The following LRP5 variants were observed in gnomAD, a reference collection of about 807,000 sequenced individuals.
LRP5 encodes the protein LDL receptor related protein 5, also known as low-density lipoprotein receptor-related protein 5.
In LRP5, 62 loss-of-function variants were observed where a neutral mutation model predicts 154.1. The observed-to-expected ratio is 0.40, with a 90% confidence interval of 0.33 to 0.50. The LOEUF (loss-of-function observed/expected upper bound fraction) is 0.50, where lower values mean the gene tolerates loss of function less well. Among genes scored for constraint, LRP5 ranks in the 20% least tolerant of loss-of-function variants. LRP5 has a pLI of 0.55. For synonymous variants in LRP5, 966 were observed against 1,011.5 expected, an observed-to-expected ratio of 0.96 and a Z score of 0.85; for missense variants, 1,915 against 2,336.7, an observed-to-expected ratio of 0.82 and a Z score of 3.72.
intron 9 of LRP5, 56 bp downstream of exon 9, chr11:68,406,869 G>A: frequency 1.3e-6 from 2 of 1,572,144 alleles, no homozygotes; most frequent in South Asian, 1.1e-5. Context: ...CCTTGCCTCT[G>A]TTCCTGCCTC....
chr11:68,433,980 C>A, intron 18 of LRP5, 142 bp downstream of exon 18: 1 of 827,766 alleles, frequency 1.2e-6, no homozygotes, highest in African/African-American at 1.7e-5. Context: ...GTCTTTTAGG[C>A]CCAACAAGGA....
At chr11:68,343,771 C>T (rs1217730156) in intron 1 of LRP5, among the ~76,000 whole-genome samples, 1 of 152,138 alleles carries the variant, frequency 6.6e-6, no homozygotes, top group African/African-American at 2.4e-5. Flanking sequence ...CTCGGAAGGC[C>T]CCAGGAGCTC....
chr11:68,401,553 G>A (rs1041002849), intron 7 of LRP5, among the ~76,000 whole-genome samples: 1 of 152,196 alleles, frequency 6.6e-6, no homozygotes, highest in African/African-American at 2.4e-5. Flanking sequence ...GCTAATCTGA[G>A]CCCCTCAGTT....
At chr11:68,443,700 C>T (rs2098679901) in intron 21 of LRP5, among the ~76,000 whole-genome samples, 1 of 147,122 alleles carries the variant, frequency 6.8e-6, no homozygotes, top group East Asian at 2.0e-4. Flanking sequence ...CTCCTGTTGC[C>T]CAGGCTGGAG....
In LRP5 at chr11:68,423,518, C is replaced by T. The variant is rs772416019; in HGVS notation, c.3057C>T (p.Gly1019=). The change falls in exon 14 of 23, where the codon GGC becomes GGT. Residue 1019 remains glycine, a synonymous_variant. Coordinates refer to ENST00000294304, the MANE Select transcript of LRP5 (RefSeq NM_002335.4). This position sits in a 1 kb window ranked among gnomAD's most constrained non-coding sequence, Gnocchi z 4.7. ...QPFVLTSLSQ[G]QNPDRQPHDL... Reference sequence around the variant, plus strand: ...TTGTTTTGACCTCTCTGAGCCAAGGCCAAAACCCAGACAGGCAGCCCCACG... The same window carrying T: ...TTGTTTTGACCTCTCTGAGCCAAGGTCAAAACCCAGACAGGCAGCCCCACG... 62 of 1,614,092 alleles carry T rather than the reference C, an allele frequency of 3.8e-5. No individual in the cohort carries two copies. The South Asian group carries it at 6.5e-4, about 17-fold the overall frequency.
At chr11:68,429,478 G>T (rs1314123125) in intron 16 of LRP5, 97 bp from the exon 17 acceptor site, 2 of 1,519,642 alleles carry the variant, frequency 1.3e-6, no homozygotes, top group East Asian at 4.5e-5. Context: ...AGGAGGGCCA[G>T]TTCTCATGAG....
chr11:68,362,527 G>A (rs312794), intron 3 of LRP5, among the ~76,000 whole-genome samples: 70,885 of 151,628 alleles, frequency 0.47, 18,612 homozygotes, highest in African/African-American at 0.69. Context: ...CTACCAAAAA[G>A]ATACCCCCCA....
rs144585601 is a variant in LRP5 at position 68,398,550 on chromosome 11, A to G, written c.1585-4933A>G. 7.0e-3 allele frequency among the ~76,000 whole-genome samples: 1,060 copies of G among 152,250 alleles called. 19 individuals are homozygous for G. The highest frequency in any genetic ancestry group is 0.024 in the African/African-American group (1,007 of 41,554). ...AAAAACAAGTGCACAGAACTAGAGCAGGAGTCGAGAGCTACGGCCCCCGGG... is the reference window on the plus strand; with the variant it reads ...AAAAACAAGTGCACAGAACTAGAGCGGGAGTCGAGAGCTACGGCCCCCGGG... On this transcript the variant is annotated intron_variant, in intron 7 of 22. Transcript: ENST00000294304.
chr11:68,339,916 C>T (rs1649303799), intron 1 of LRP5, among the ~76,000 whole-genome samples: 2 of 152,184 alleles, frequency 1.3e-5, no homozygotes, highest in South Asian at 4.1e-4. Flanking sequence ...CACTACCAGG[C>T]TGTTTTCCAC....
chr11:68,344,131 C>G (rs2098610776), intron 1 of LRP5, among the ~76,000 whole-genome samples: 1 of 152,164 alleles, frequency 6.6e-6, no homozygotes. Flanking sequence ...CTGGGTGGCC[C>G]TGCCTGTGAG....
At chr11:68,312,946 T>A in intron 1 of LRP5, 141 bp downstream of exon 1, 2 of 273,418 alleles carry the variant, frequency 7.3e-6, no homozygotes, top group Non-Finnish European at 1.1e-5. Flanking sequence ...GCGCCCGGGA[T>A]CCCCCTGCCG....
At chr11:68,320,716 C>G (rs1186165251) in intron 1 of LRP5, among the ~76,000 whole-genome samples, 4 of 152,062 alleles carry the variant, frequency 2.6e-5, no homozygotes, top group African/African-American at 7.3e-5. Flanking sequence ...CCCATCTCCG[C>G]CTCCCAAAGT....
intron 16 of LRP5, among the ~76,000 whole-genome samples, chr11:68,426,590 G>T (rs1247915803): frequency 2.0e-5 from 3 of 149,844 alleles, no homozygotes; most frequent in Admixed American, 6.6e-5. Context: ...ACCACACCTG[G>T]CTAATTTTTT....
chr11:68,397,212 G>A (rs1205007459), intron 7 of LRP5, among the ~76,000 whole-genome samples: 1 of 152,146 alleles, frequency 6.6e-6, no homozygotes, highest in African/African-American at 2.4e-5. Flanking sequence ...GCCTGGCTGG[G>A]AGCGTCTCCC....
chr11:68,321,263 G>A (rs1337033765), intron 1 of LRP5, among the ~76,000 whole-genome samples: 8 of 152,054 alleles, frequency 5.3e-5, no homozygotes, highest in South Asian at 2.1e-4. Context: ...TTTGTGTACC[G>A]GAATGCTGCT....
chr11:68,422,013 G>A (rs7928957), intron 13 of LRP5, among the ~76,000 whole-genome samples: 8,843 of 152,058 alleles, frequency 0.058, 323 homozygotes, highest in Middle Eastern at 0.15. Context: ...CTGCAGCCTC[G>A]GCCTCCCAGG....
intron 1 of LRP5, among the ~76,000 whole-genome samples, chr11:68,326,643 G>C (rs1328953441): frequency 6.6e-6 from 1 of 152,234 alleles, no homozygotes; most frequent in Non-Finnish European, 1.5e-5. Context: ...AAGTGGAGGG[G>C]GCCCACCCTC....
chr11:68,433,982 C>A, intron 18 of LRP5, 144 bp downstream of exon 18: 1 of 820,448 alleles, frequency 1.2e-6, no homozygotes, highest in South Asian at 1.5e-5. Flanking sequence ...CTTTTAGGCC[C>A]AACAAGGAAA....
chr11:68,425,860 A>C lies in LRP5; in HGVS notation c.3428-118A>C. On this transcript the variant is annotated intron_variant, in intron 15 of 22. Coordinates refer to ENST00000294304, the MANE Select transcript of LRP5 (RefSeq NM_002335.4). ...TCTGCTGCAGCTCCCACCCCTGTCC[A>C]AAGCATGGAATCCCCCAGGCTCCCT... 4.4e-6 allele frequency: 4 copies of C among 915,848 alleles called. No individual in the cohort carries two copies. The East Asian group carries it at 1.0e-4, about 23-fold the overall frequency. 56.7% of individuals were successfully genotyped at this position (915,848 alleles called of 1,614,324 possible).
Sources: gnomAD v4.1 joint callset for allele counts (sites outside exome capture counted in the v4.1 genomes callset) on GRCh38, gnomAD v4.1.1 for gene constraint, Gnocchi (gnomAD v3.1) non-coding constraint, MANE v1.5 for transcripts, NCBI Gene and HGNC (gene_info 2026-07-23, HGNC 2026-07-21) for gene names.